Variants in CORIN observed in about 807,000 individuals in gnomAD.
CORIN encodes the protein corin, serine peptidase.
Under a neutral mutation model 125.3 loss-of-function variants are expected in CORIN, and 117 were observed. The ratio of observed to expected loss-of-function variants is 0.93; its 90% CI spans 0.80 to 1.09. CORIN has a LOEUF of 1.09. Among genes scored for constraint, CORIN ranks in the 50% least tolerant of loss-of-function variants. The pLI is 0.00. For missense variants in CORIN, 1,253 were observed against 1,306.7 expected, an observed-to-expected ratio of 0.96 and a Z score of 0.63; for synonymous variants, 450 against 466.4, an observed-to-expected ratio of 0.96 and a Z score of 0.45.
chr4:47,657,535 CAAA>C (rs35311151), intron 12 of CORIN, among the ~76,000 whole-genome samples: 11 of 82,174 alleles, frequency 1.3e-4, no homozygotes, highest in African/African-American at 1.5e-4. Context: ...ACTCCGTCTC[CAAA>C]AAAAAAAAAA....
At chr4:47,616,806 A>G (rs1292917246) in intron 19 of CORIN, among the ~76,000 whole-genome samples, 5 of 152,234 alleles carry the variant, frequency 3.3e-5, no homozygotes, top group Admixed American at 3.3e-4. Context: ...TATGAATTCA[A>G]AAGAATGGGG....
At chr4:47,821,812 T>A (rs1732527174) in intron 1 of CORIN, among the ~76,000 whole-genome samples, 1 of 152,230 alleles carries the variant, frequency 6.6e-6, no homozygotes, top group Admixed American at 6.5e-5. Flanking sequence ...AATTTGCTTA[T>A]GAAAAGACAA....
intron 5 of CORIN, among the ~76,000 whole-genome samples, chr4:47,719,683 T>C (rs562721603): frequency 1.3e-5 from 2 of 152,314 alleles, no homozygotes; most frequent in East Asian, 3.9e-4. Context: ...TAAAAATCTG[T>C]AAAAACCCTC....
chr4:47,832,042 T>C (rs950395923), intron 1 of CORIN, among the ~76,000 whole-genome samples: 2 of 152,206 alleles, frequency 1.3e-5, no homozygotes, highest in African/African-American at 2.4e-5. Context: ...CCAAACATTG[T>C]ACTTAGTATT....
intron 2 of CORIN, chr4:47,790,309 T>G (rs1577925988): frequency 3.7e-5 from 15 of 401,034 alleles, no homozygotes; most frequent in Non-Finnish European, 4.7e-5. Context: ...GGGAGGAGCG[T>G]GCACTGGGGT....
intron 16 of CORIN, among the ~76,000 whole-genome samples, chr4:47,626,832 C>T (rs905112772): frequency 3.3e-5 from 5 of 152,212 alleles, no homozygotes; most frequent in African/African-American, 1.2e-4. Flanking sequence ...TTTTTTTCCT[C>T]CTCTTTTCTT....
chr4:47,822,840 G>A (rs1474932008), intron 1 of CORIN, among the ~76,000 whole-genome samples: 1 of 149,962 alleles, frequency 6.7e-6, no homozygotes, highest in African/African-American at 2.5e-5. Flanking sequence ...TTTTTGAGAG[G>A]GAGTCTCGCT....
intron 1 of CORIN, among the ~76,000 whole-genome samples, chr4:47,836,426 A>C (rs1238745902): frequency 6.6e-6 from 1 of 152,242 alleles, no homozygotes; most frequent in Non-Finnish European, 1.5e-5. Flanking sequence ...CTTGGACAAT[A>C]ATCACCAGTA....
chr4:47,735,687 G>A (rs1201226859), intron 5 of CORIN, among the ~76,000 whole-genome samples: 3 of 152,120 alleles, frequency 2.0e-5, no homozygotes, highest in Non-Finnish European at 2.9e-5. Context: ...TTGGAAGGCC[G>A]AGGCGGGCGG....
intron 3 of CORIN, among the ~76,000 whole-genome samples, chr4:47,768,321 A>T (rs1429244900): frequency 1.3e-5 from 2 of 152,244 alleles, no homozygotes; most frequent in African/African-American, 2.4e-5. Flanking sequence ...GACTCAAGTG[A>T]AAGAACCAGT....
chr4:47,733,833 G>C (rs1441322278), intron 5 of CORIN, among the ~76,000 whole-genome samples: 2 of 152,172 alleles, frequency 1.3e-5, no homozygotes, highest in African/African-American at 4.8e-5. Context: ...TAAGACAACT[G>C]TGTGTCCTTC....
chr4:47,606,962 A>C (rs1326801388), intron 19 of CORIN, among the ~76,000 whole-genome samples: 1 of 152,248 alleles, frequency 6.6e-6, no homozygotes, highest in Non-Finnish European at 1.5e-5. Context: ...TGTGAAAAAC[A>C]TTCATCCACA....
At chr4:47,754,525 C>T (rs1175359642) in intron 4 of CORIN, among the ~76,000 whole-genome samples, 1 of 151,922 alleles carries the variant, frequency 6.6e-6, no homozygotes, top group Non-Finnish European at 1.5e-5. Context: ...CTTAATGTTT[C>T]CATTTATTCC....
intron 5 of CORIN, among the ~76,000 whole-genome samples, chr4:47,714,617 G>A (rs1323941536): frequency 1.3e-5 from 2 of 150,362 alleles, no homozygotes; most frequent in Non-Finnish European, 3.0e-5. Flanking sequence ...TAGACTTTGT[G>A]ATGCATACAG....
intron 6 of CORIN, among the ~76,000 whole-genome samples, chr4:47,687,672 G>A (rs147595856): frequency 6.6e-6 from 1 of 152,294 alleles, no homozygotes; most frequent in African/African-American, 2.4e-5. Context: ...AAACATGAAT[G>A]TGTTGCCTCA....
In CORIN at chr4:47,732,154, G is replaced by A. The variant is rs528755879; in HGVS notation, c.799+12248C>T. ...TATAAGATGTTGAGAAAAGAAGGTT[G>A]AAAATAGTATCCTGTGGAATATCAA... On this transcript the variant is annotated intron_variant, in intron 5 of 21. Coordinates refer to ENST00000273857, the MANE Select transcript of CORIN (RefSeq NM_006587.4). Among the ~76,000 whole-genome samples, 5 of 152,280 alleles carry A rather than the reference G, an allele frequency of 3.3e-5. No homozygotes were observed. In the South Asian group the frequency reaches 1.0e-3, roughly 32 times the overall value.
intron 3 of CORIN, among the ~76,000 whole-genome samples, chr4:47,775,400 G>A (rs933684971): frequency 6.6e-6 from 1 of 152,060 alleles, no homozygotes; most frequent in East Asian, 1.9e-4. Flanking sequence ...CCCCGTGTGT[G>A]ATGTTCCCCA....
In CORIN at chr4:47,623,753, G is replaced by A. The variant is rs1722434620; in HGVS notation, c.2366-8C>T. 6.2e-7 allele frequency: 1 copy of A among 1,613,862 alleles called. No individual in the cohort carries two copies. The highest frequency in any genetic ancestry group is 1.3e-5 in the African/African-American group (1 of 74,884). ...CAGGGCGGCGCCCACAGTCTACCAA[G>A]GAGCAGAAGACACAGTTTGTGAGTT... On this transcript the variant is annotated splice_region_variant and splice_polypyrimidine_tract_variant and intron_variant, in intron 18 of 21. Coordinates refer to ENST00000273857, the MANE Select transcript of CORIN (RefSeq NM_006587.4).
intron 5 of CORIN, among the ~76,000 whole-genome samples, chr4:47,707,287 A>T (rs1161112074): frequency 6.6e-6 from 1 of 152,216 alleles, no homozygotes; most frequent in Admixed American, 6.5e-5. Context: ...AAAAAAGAAA[A>T]CTACCAACTT....
Sources: allele counts gnomAD v4.1 joint callset (sites outside exome capture counted in the v4.1 genomes callset), GRCh38; gene constraint gnomAD v4.1.1; transcripts MANE v1.5; gene names NCBI Gene and HGNC (gene_info 2026-07-23, HGNC 2026-07-21).